DSCAML1: variants seen among roughly 807,000 people sequenced by gnomAD.
DSCAML1 encodes cell adhesion molecule DSCAML1.
A neutral mutation model predicts 200.5 loss-of-function variants in DSCAML1; 38 were observed. The observed-to-expected ratio is 0.19, with a 90% CI of 0.15 to 0.25. DSCAML1 has a LOEUF of 0.25. Ranked by LOEUF, DSCAML1 falls within the 10% of genes least tolerant of loss-of-function variation. DSCAML1 has a pLI of 1.00. For synonymous variants in DSCAML1, 1,215 were observed against 1,165.0 expected (o/e 1.04, Z -0.87); for missense variants, 2,223 against 2,858.8 (o/e 0.78, Z 5.07).
chr11:117,717,161 G>A (rs1049879492), intron 3 of DSCAML1, among the ~76,000 whole-genome samples: 1 of 152,156 alleles, frequency 6.6e-6, no homozygotes, highest in African/African-American at 2.4e-5. Context: ...CCAGTGCCAC[G>A]CCGAAGATGG....
intron 3 of DSCAML1, among the ~76,000 whole-genome samples, chr11:117,651,711 CAAAAAAA>C (rs1193144259): frequency 1.3e-4 from 4 of 31,106 alleles, no homozygotes; most frequent in African/African-American, 2.4e-4. Flanking sequence ...GACTCTGTCT[CAAAAAAA>C]AAAAAAAAAA....
At chr11:117,570,567 T>C (rs1045633581) in intron 3 of DSCAML1, among the ~76,000 whole-genome samples, 5 of 152,244 alleles carry the variant, frequency 3.3e-5, no homozygotes, top group African/African-American at 4.8e-5. Flanking sequence ...TGGCACCTAG[T>C]AGGTGCTGAA....
At chr11:117,646,862 A>C (rs1332216599) in intron 3 of DSCAML1, among the ~76,000 whole-genome samples, 2 of 152,128 alleles carry the variant, frequency 1.3e-5, no homozygotes, top group Non-Finnish European at 2.9e-5. Flanking sequence ...AGGAAAAAAA[A>C]AAAAACAAAT....
At chr11:117,531,606 G>A (rs1425100824) in intron 4 of DSCAML1, among the ~76,000 whole-genome samples, 1 of 152,102 alleles carries the variant, frequency 6.6e-6, no homozygotes, top group Non-Finnish European at 1.5e-5. Flanking sequence ...TCCTCAGGCC[G>A]GGCGCAGTGG....
At chr11:117,637,825 A>G (rs2052323526) in intron 3 of DSCAML1, among the ~76,000 whole-genome samples, 1 of 152,236 alleles carries the variant, frequency 6.6e-6, no homozygotes, top group African/African-American at 2.4e-5. Context: ...CACTGTGATT[A>G]CATTAGCGGA....
At chr11:117,531,304 C>G (rs917093642) in intron 4 of DSCAML1, among the ~76,000 whole-genome samples, 1 of 152,052 alleles carries the variant, frequency 6.6e-6, no homozygotes, top group Non-Finnish European at 1.5e-5. Flanking sequence ...TCTGGCAAGT[C>G]GCTTGGCTTC....
chr11:117,670,945 C>T (rs1436108565), intron 3 of DSCAML1, among the ~76,000 whole-genome samples: 3 of 152,098 alleles, frequency 2.0e-5, no homozygotes, highest in Non-Finnish European at 4.4e-5. Context: ...GAAGTTGGAC[C>T]GGAATTCCTT....
chr11:117,622,535 G>A (rs545698700), intron 3 of DSCAML1, among the ~76,000 whole-genome samples: 10 of 152,206 alleles, frequency 6.6e-5, no homozygotes, highest in South Asian at 6.2e-4. Context: ...ACTGTTCTCC[G>A]CAGGCTCACA....
intron 17 of DSCAML1, among the ~76,000 whole-genome samples, chr11:117,462,767 T>C (rs923599134): frequency 1.3e-5 from 2 of 152,210 alleles, no homozygotes; most frequent in African/African-American, 4.8e-5. Context: ...GCAGGGGCCC[T>C]TGAATACCCC....
At chr11:117,511,741 C>T (rs1440426365) in intron 8 of DSCAML1, among the ~76,000 whole-genome samples, 1 of 152,240 alleles carries the variant, frequency 6.6e-6, no homozygotes, top group East Asian at 1.9e-4. Context: ...CCACCTGCAG[C>T]CACTTTTTGG....
chr11:117,767,378 C>G (rs972770628), intron 3 of DSCAML1, among the ~76,000 whole-genome samples: 1 of 152,156 alleles, frequency 6.6e-6, no homozygotes, highest in African/African-American at 2.4e-5. Context: ...TTATCACGGA[C>G]GAGCTCAATA....
intron 3 of DSCAML1, among the ~76,000 whole-genome samples, chr11:117,618,478 C>G (rs1053430294): frequency 6.6e-6 from 1 of 152,154 alleles, no homozygotes; most frequent in Non-Finnish European, 1.5e-5. Context: ...CACACTCTCC[C>G]CAGCCACCCT....
rs1299396655 is a variant in DSCAML1 at position 117,514,535 on chromosome 11, A to G, written c.1783+1932T>C. 2.8e-5 allele frequency among the ~76,000 whole-genome samples: 4 copies of G among 143,548 alleles called. No homozygotes were observed. In the Admixed American group the frequency reaches 2.8e-4, roughly 10 times the overall value. The allele number at this position is 143,548 out of a possible 152,430, so 94.2% of individuals were successfully genotyped here. The stretch of plus-strand genomic sequence containing the variant: ...ATGCAGACCTGGGAAAGATTCTGAC[A>G]CCAGATGGCAATTTACTTAACTTTT... On this transcript the variant is annotated intron_variant, in intron 8 of 32. Coordinates refer to ENST00000651296, the MANE Select transcript of DSCAML1 (RefSeq NM_020693.4).
At chr11:117,652,380 C>T (rs1669589242) in intron 3 of DSCAML1, among the ~76,000 whole-genome samples, 1 of 152,228 alleles carries the variant, frequency 6.6e-6, no homozygotes, top group Admixed American at 6.5e-5. Context: ...CTGCCCAGAC[C>T]TCCAAGACTA....
At chr11:117,758,391 CTGTTT>C (rs552776588) in intron 3 of DSCAML1, among the ~76,000 whole-genome samples, 129 of 151,002 alleles carry the variant, frequency 8.5e-4, no homozygotes, top group Admixed American at 5.5e-3. Context: ...GTTGGCAGAA[CTGTTT>C]TGTTTTGTTT....
At chr11:117,663,934 A>T (rs1025831307) in intron 3 of DSCAML1, among the ~76,000 whole-genome samples, 1 of 152,236 alleles carries the variant, frequency 6.6e-6, no homozygotes, top group Non-Finnish European at 1.5e-5. Context: ...AAAGAGCACC[A>T]GTGTTTCCGC....
At chr11:117,741,335 C>G (rs556821178) in intron 3 of DSCAML1, among the ~76,000 whole-genome samples, 36 of 152,250 alleles carry the variant, frequency 2.4e-4, no homozygotes, top group Non-Finnish European at 4.7e-4. Context: ...ATCTCTTCTG[C>G]CATCTCTCTC....
At chr11:117,482,361 G>A (rs1397373412) in intron 11 of DSCAML1, among the ~76,000 whole-genome samples, 199 bp from the exon 12 acceptor site, 2 of 152,188 alleles carry the variant, frequency 1.3e-5, no homozygotes, top group East Asian at 3.8e-4. Flanking sequence ...TTCACCGGGG[G>A]TCCCACATTC....
At position 117,466,833 on chromosome 11, in the gene DSCAML1, A is replaced by G. The variant is rs2048589298; in HGVS notation, c.3025-1651T>C. On this transcript the variant is annotated intron_variant, in intron 16 of 32. Transcript: ENST00000651296. ...CTGCTATTGAGCTGCACGCTTAAAC[A>G]TGGTTCAAATGGTAGATTTTAAGTT... 1.3e-5 allele frequency among the ~76,000 whole-genome samples: 2 copies of G among 152,328 alleles called. 1 individual carries two copies.
Sources: allele counts gnomAD v4.1 joint callset (sites outside exome capture counted in the v4.1 genomes callset), GRCh38; gene constraint gnomAD v4.1.1; transcripts MANE v1.5; gene names NCBI Gene and HGNC (gene_info 2026-07-23, HGNC 2026-07-21).